ADCY4: variants seen among roughly 807,000 people sequenced by gnomAD.
ADCY4 encodes the protein adenylate cyclase 4.
Under a neutral mutation model 125.5 loss-of-function variants are expected in ADCY4, and 111 were observed. The observed-to-expected ratio is 0.88, with a 90% confidence interval of 0.76 to 1.04. The LOEUF is 1.04. Among genes scored for constraint, ADCY4 ranks in the 50% least tolerant of loss-of-function variants. ADCY4 has a pLI of 0.00. For missense variants in ADCY4, 1,256 were observed against 1,382.9 expected, an observed-to-expected ratio of 0.91 and a Z score of 1.46; for synonymous variants, 576 against 586.9, an observed-to-expected ratio of 0.98 and a Z score of 0.27.
At chr14:24,332,469 C>T (rs766580501) in intron 3 of ADCY4, 53 bp downstream of exon 3, 3 of 1,532,708 alleles carry the variant, frequency 2.0e-6, no homozygotes, top group Non-Finnish European at 8.8e-7. Flanking sequence ...AAGGAGCCTA[C>T]TAGCACGTGG....
chr14:24,324,153 A>G lies in ADCY4; in HGVS notation c.1955T>C (p.Leu652Pro), dbSNP rs754770729. 1 of 1,614,272 alleles carries G rather than the reference A, an allele frequency of 6.2e-7. No individual in the cohort carries two copies. Among genetic ancestry groups the G allele is most frequent in the Non-Finnish European group, 8.5e-7 (1 of 1,180,044 alleles). ...TGGTCGTGTGGCCACCAGGCCAGACAGTGCAGGCAGCCAGTGCAGCATCTT... is the reference window on the plus strand; with the variant it reads ...TGGTCGTGTGGCCACCAGGCCAGACGGTGCAGGCAGCCAGTGCAGCATCTT... ...GPKMLHWLPALSGLVATRPGL... is the reference protein window; with the variant it reads ...GPKMLHWLPAPSGLVATRPGL... The change falls in exon 16 of 25, where the codon CTG becomes CCG. Residue 652 changes from leucine to proline, a missense_variant. Physicochemically the swap from Leu to Pro is moderately conservative, Grantham distance 98. Coordinates refer to ENST00000418030, the MANE Select transcript of ADCY4 (RefSeq NM_001198568.2).
Position 24,323,470 on chromosome 14 carries a change from G to A in ADCY4, c.2047-16C>T. On this transcript the variant is annotated splice_polypyrimidine_tract_variant and intron_variant, in intron 16 of 24. Transcript: ENST00000418030. Reference sequence around the variant, plus strand: ...GGAAGAAGAACTGCAGAGGAGATGAGGAGTTGAAGAGGCAGGTAGCTTCTT... The same window carrying A: ...GGAAGAAGAACTGCAGAGGAGATGAAGAGTTGAAGAGGCAGGTAGCTTCTT... 1.3e-6 allele frequency: 2 copies of A among 1,551,586 alleles called. No individual in the cohort carries two copies. Among genetic ancestry groups the A allele is most frequent in the South Asian group, 2.4e-5 (2 of 84,028 alleles).
In ADCY4 at chr14:24,329,509, G is replaced by C. The variant is rs779005240; in HGVS notation, c.1242C>G (p.Thr414=). The change falls in exon 9 of 25, where the codon ACC becomes ACG. Residue 414 remains threonine, a synonymous_variant. Transcript: ENST00000418030. The part of the protein sequence containing the change: ...VPGRVHITGA[T]LALLAGAYAV... ...CATAAGCCCCTGCCAGCAGGGCCAG[G>C]GTAGCCCCTGTGATGTGCACTCGCC... The C allele has an allele frequency of 6.4e-7, 1 of 1,551,924 alleles. No homozygotes were observed. Among genetic ancestry groups the C allele is most frequent in the African/African-American group, 1.4e-5 (1 of 72,406 alleles).
chr14:24,323,355 T>C lies in ADCY4; in HGVS notation c.2146A>G (p.Ile716Val). 1 of 1,553,570 alleles carries C rather than the reference T, an allele frequency of 6.4e-7. No individual in the cohort carries two copies. Among genetic ancestry groups the C allele is most frequent in the Non-Finnish European group, 8.7e-7 (1 of 1,147,292 alleles). The change falls in exon 17 of 25, where the codon ATC becomes GTC. Residue 716 changes from isoleucine to valine, a missense_variant. Ile to Val is a conservative substitution (Grantham distance 29). Coordinates refer to ENST00000418030, the MANE Select transcript of ADCY4 (RefSeq NM_001198568.2). ...SWELPGSLPL[I>V]SVPYSMHCCT... ...GTGGGAACACTCACTGGGACACTGA[T>C]GAGAGGCAGAGACCCAGGGAGCTCC...
At chr14:24,325,530 A>G in intron 13 of ADCY4, 56 bp from the exon 14 acceptor site, 1 of 1,470,818 alleles carries the variant, frequency 6.8e-7, no homozygotes, top group South Asian at 1.2e-5. Flanking sequence ...CATCACCTTG[A>G]AGGCATCACT....
At chr14:24,321,356 G>A (rs2041849316) in intron 20 of ADCY4, among the ~76,000 whole-genome samples, 1 of 151,994 alleles carries the variant, frequency 6.6e-6, no homozygotes, top group South Asian at 2.1e-4. Context: ...AGGAGGCGGA[G>A]GTTTCAGTGA....
At chr14:24,328,201 C>T (rs935809686) in intron 10 of ADCY4, among the ~76,000 whole-genome samples, 3 of 144,182 alleles carry the variant, frequency 2.1e-5, no homozygotes, top group African/African-American at 8.1e-5. Context: ...AGAAACAACA[C>T]CAGCTACTTA....
chr14:24,322,021 G>T, intron 20 of ADCY4, 45 bp downstream of exon 20: 1 of 1,576,110 alleles, frequency 6.3e-7, no homozygotes, highest in South Asian at 1.2e-5. Context: ...CTGAAATTAG[G>T]CCCTATGGCA....
At chr14:24,322,392 A>G (rs1407187063) in intron 19 of ADCY4, 168 bp from the exon 20 acceptor site, 1 of 892,796 alleles carries the variant, frequency 1.1e-6, no homozygotes, top group Non-Finnish European at 1.7e-6. Context: ...CCTTGAAATT[A>G]GATTCAGACT....
chr14:24,318,812 A>G (rs1232555282), intron 23 of ADCY4, 34 bp from the exon 24 acceptor site: 1 of 1,612,932 alleles, frequency 6.2e-7, no homozygotes, highest in Non-Finnish European at 8.5e-7. Flanking sequence ...AGACTTGGAG[A>G]AGGAAGAGGG....
At position 24,318,425 on chromosome 14, in the gene ADCY4, G is replaced by A. The variant is rs749439273; in HGVS notation, c.3225C>T (p.Thr1075=). The A allele has an allele frequency of 1.2e-6, 2 of 1,613,932 alleles. No individual in the cohort carries two copies. The highest frequency in any genetic ancestry group is 8.5e-7 in the Non-Finnish European group (1 of 1,179,952). The part of the protein sequence containing the change: ...DLTRTGPPSA[T]LG Reference sequence around the variant, plus strand: ...GAAGGCGAGTGCAATCTCAGCCTAGGGTAGCTGAAGGAGGTCCAGTTCGTG... The same window carrying A: ...GAAGGCGAGTGCAATCTCAGCCTAGAGTAGCTGAAGGAGGTCCAGTTCGTG... Residue 1075 remains threonine (T), a synonymous_variant, in exon 25 of 25, where the codon ACC becomes ACT. Transcript: ENST00000418030.
intron 4 of ADCY4, 103 bp downstream of exon 4, chr14:24,331,685 A>G: frequency 7.2e-7 from 1 of 1,393,674 alleles, no homozygotes; most frequent in Non-Finnish European, 9.4e-7. Flanking sequence ...AAACAGGTCA[A>G]GAAACCTGCC....
At chr14:24,332,486 C>G in intron 3 of ADCY4, 36 bp downstream of exon 3, 2 of 1,546,982 alleles carry the variant, frequency 1.3e-6, no homozygotes, top group South Asian at 2.4e-5. Flanking sequence ...GTGGCAGAGC[C>G]GTCCTGAGCG....
intron 20 of ADCY4, among the ~76,000 whole-genome samples, chr14:24,320,324 G>T (rs1272525031): frequency 6.6e-6 from 1 of 152,184 alleles, no homozygotes; most frequent in Non-Finnish European, 1.5e-5. Context: ...ATGAGGCAAA[G>T]GGAAAATAAG....
intron 6 of ADCY4, chr14:24,330,517 G>A (rs2139220910): frequency 1.7e-6 from 1 of 573,554 alleles, no homozygotes; most frequent in East Asian, 3.4e-5. Flanking sequence ...GGATGGCTGT[G>A]GCTCTTTCCA....
intron 20 of ADCY4, among the ~76,000 whole-genome samples, chr14:24,320,292 GAAGT>G (rs2041832557): frequency 6.6e-6 from 1 of 152,182 alleles, no homozygotes. Context: ...AATGAAAGAT[GAAGT>G]AAGCAACAAT....
At chr14:24,327,914 A>G (rs1477833351) in intron 10 of ADCY4, among the ~76,000 whole-genome samples, 4 of 152,236 alleles carry the variant, frequency 2.6e-5, no homozygotes, top group African/African-American at 9.7e-5. Context: ...AGATATGATT[A>G]TATATGAGTA....
At chr14:24,332,410 C>A (rs1482539272) in intron 3 of ADCY4, 112 bp downstream of exon 3, 20 of 1,253,402 alleles carry the variant, frequency 1.6e-5, no homozygotes, top group South Asian at 4.5e-5. Flanking sequence ...GGGTATCCTG[C>A]GCCCAGCGTT....
chr14:24,319,387 C>T lies in ADCY4; in HGVS notation c.2783G>A (p.Gly928Asp). ...FSGVEKIKTI[G>D]STYMAATGLN... Reference sequence around the variant, plus strand: ...GCCTGTGGCTGCCATGTAGGTGCTGCCGATGGTCTTGATCTTCTCCACCCC... The same window carrying T: ...GCCTGTGGCTGCCATGTAGGTGCTGTCGATGGTCTTGATCTTCTCCACCCC... The change falls in exon 22 of 25, where the codon GGC becomes GAC. Residue 928 changes from glycine to aspartate, a missense_variant. Transcript: ENST00000418030. This position sits in a 1 kb window ranked among gnomAD's most constrained non-coding sequence, Gnocchi z 4.5. 2 of 1,614,172 alleles carry T rather than the reference C, an allele frequency of 1.2e-6. No homozygotes were observed. The highest frequency in any genetic ancestry group is 1.7e-6 in the Non-Finnish European group (2 of 1,180,036).
Sources: gnomAD v4.1 joint callset for allele counts (sites outside exome capture counted in the v4.1 genomes callset) on GRCh38, gnomAD v4.1.1 for gene constraint, Gnocchi (gnomAD v3.1) non-coding constraint, MANE v1.5 for transcripts, NCBI Gene and HGNC (gene_info 2026-07-23, HGNC 2026-07-21) for gene names.